Variants in PHLDB2 observed in about 807,000 individuals in gnomAD.
The protein encoded by PHLDB2 is pleckstrin homology like domain family B member 2.
PHLDB2 carries 71 observed loss-of-function variants against 123.6 expected under a neutral mutation model. That is an observed-to-expected ratio of 0.57 (90% CI 0.47 to 0.70). The LOEUF (loss-of-function observed/expected upper bound fraction) is 0.70. Ranked by LOEUF, PHLDB2 falls within the 30% of genes least tolerant of loss-of-function variation. The pLI is 0.00. For missense variants in PHLDB2, 1,446 were observed against 1,519.5 expected, an observed-to-expected ratio of 0.95 and a Z score of 0.80; for synonymous variants, 547 against 541.6, an observed-to-expected ratio of 1.01 and a Z score of -0.14.
intron 14 of PHLDB2, among the ~76,000 whole-genome samples, chr3:111,967,450 C>T (rs1321294549): frequency 6.6e-6 from 1 of 152,124 alleles, no homozygotes; most frequent in Admixed American, 6.5e-5. Context: ...TCACTGAAGA[C>T]CACAATTTAA....
chr3:111,909,530 G>A (rs555784482), intron 2 of PHLDB2, among the ~76,000 whole-genome samples: 3 of 152,244 alleles, frequency 2.0e-5, no homozygotes, highest in South Asian at 2.1e-4. Context: ...CCAGGAGATC[G>A]AGGCTTGCAG....
chr3:111,830,488 C>T (rs1402476832), intron 1 of PHLDB2, among the ~76,000 whole-genome samples: 1 of 137,222 alleles, frequency 7.3e-6, no homozygotes, highest in Non-Finnish European at 1.5e-5. Context: ...TTCTGAAATA[C>T]CATGAATAAG....
chr3:111,891,925 G>A (rs1010168284), intron 2 of PHLDB2, among the ~76,000 whole-genome samples: 16 of 152,130 alleles, frequency 1.1e-4, no homozygotes, highest in South Asian at 4.1e-4. Flanking sequence ...ATTTGGTTAC[G>A]TTGCCAAAAG....
At chr3:111,948,849 T>C in intron 9 of PHLDB2, 83 bp from the exon 10 acceptor site, 1 of 1,378,010 alleles carries the variant, frequency 7.3e-7, no homozygotes, top group Non-Finnish European at 1.0e-6. Flanking sequence ...CTAAGCTAAC[T>C]TCATTGTACT....
intron 1 of PHLDB2, among the ~76,000 whole-genome samples, chr3:111,769,939 T>C (rs913266450): frequency 1.3e-5 from 2 of 152,242 alleles, no homozygotes; most frequent in African/African-American, 2.4e-5. Context: ...TCAGACAACA[T>C]AGATAAATTA....
At chr3:111,944,061 A>G (rs993194410) in intron 8 of PHLDB2, among the ~76,000 whole-genome samples, 22 of 152,256 alleles carry the variant, frequency 1.4e-4, no homozygotes, top group African/African-American at 5.3e-4. Context: ...AATAAAAAAC[A>G]GTGAACTACT....
chr3:111,802,099 G>A (rs1455737135), intron 1 of PHLDB2, among the ~76,000 whole-genome samples: 3 of 152,182 alleles, frequency 2.0e-5, no homozygotes, highest in Non-Finnish European at 2.9e-5. Context: ...AAATTGATTT[G>A]TGTTACTTGT....
At chr3:111,922,861 A>G (rs994939425) in intron 5 of PHLDB2, among the ~76,000 whole-genome samples, 1 of 152,086 alleles carries the variant, frequency 6.6e-6, no homozygotes, top group Admixed American at 6.5e-5. Flanking sequence ...TCTTCTCACA[A>G]TGAAGGCGGG....
chr3:111,764,912 C>A (rs2060054254), intron 1 of PHLDB2, among the ~76,000 whole-genome samples: 1 of 152,152 alleles, frequency 6.6e-6, no homozygotes, highest in Admixed American at 6.5e-5. Flanking sequence ...TTTATACTTG[C>A]TGAGTGAGAA....
At position 111,969,927 on chromosome 3, in the gene PHLDB2, T is replaced by C; in HGVS notation, c.3535+18T>C. On this transcript the variant is annotated intron_variant, in intron 16 of 17. Coordinates refer to ENST00000431670, the MANE Select transcript of PHLDB2 (RefSeq NM_001134438.2). ...TTATGCAGGTGGGTGATAAAAACAA[T>C]TTAAGCCATATACTCAAATCAAGAA... 1 of 1,609,264 alleles carries C rather than the reference T, an allele frequency of 6.2e-7. No individual in the cohort carries two copies. Among genetic ancestry groups the C allele is most frequent in the Non-Finnish European group, 8.5e-7 (1 of 1,175,764 alleles).
At chr3:111,931,180 G>A (rs1268571701) in intron 5 of PHLDB2, among the ~76,000 whole-genome samples, 1 of 152,200 alleles carries the variant, frequency 6.6e-6, no homozygotes, top group Non-Finnish European at 1.5e-5. Flanking sequence ...GGAAGGGAAG[G>A]TGGTGGTCAT....
At chr3:111,785,625 G>A (rs1428801201) in intron 1 of PHLDB2, among the ~76,000 whole-genome samples, 4 of 152,016 alleles carry the variant, frequency 2.6e-5, no homozygotes, top group Non-Finnish European at 5.9e-5. Flanking sequence ...AATACCTAGT[G>A]TTTTTAACTA....
intron 1 of PHLDB2, among the ~76,000 whole-genome samples, chr3:111,831,122 A>G (rs181740699): frequency 2.6e-4 from 39 of 152,184 alleles, no homozygotes. Flanking sequence ...AAAAATCCCT[A>G]CCTATACTTA....
intron 1 of PHLDB2, among the ~76,000 whole-genome samples, chr3:111,822,341 A>G (rs1309096557): frequency 1.3e-5 from 2 of 150,474 alleles, no homozygotes; most frequent in African/African-American, 4.9e-5. Context: ...ATAATGGTAC[A>G]CTGAAAACAA....
intron 9 of PHLDB2, among the ~76,000 whole-genome samples, chr3:111,947,318 G>A (rs1013136035): frequency 1.3e-5 from 2 of 152,002 alleles, no homozygotes; most frequent in African/African-American, 2.4e-5. Flanking sequence ...CTATTGTTGT[G>A]TATCTGCAAC....
At chr3:111,835,677 G>A (rs2063362767) in intron 1 of PHLDB2, among the ~76,000 whole-genome samples, 1 of 152,142 alleles carries the variant, frequency 6.6e-6, no homozygotes, top group Non-Finnish European at 1.5e-5. Context: ...CATCAGCTGG[G>A]GACACGAAAA....
intron 8 of PHLDB2, among the ~76,000 whole-genome samples, chr3:111,942,199 T>C (rs1577145402): frequency 6.6e-6 from 1 of 152,230 alleles, no homozygotes; most frequent in African/African-American, 2.4e-5. Context: ...TATTAAAATA[T>C]ATAAGATACA....
chr3:111,837,935 C>T (rs551648905), intron 1 of PHLDB2, among the ~76,000 whole-genome samples: 48 of 152,076 alleles, frequency 3.2e-4, no homozygotes, highest in African/African-American at 1.1e-3. Flanking sequence ...CTCAGCTACT[C>T]GGGAACTGCA....
At position 111,949,033 on chromosome 3, in the gene PHLDB2, G is replaced by A. The variant is rs768900628; in HGVS notation, c.2589G>A (p.Glu863=). The change falls in exon 10 of 18, where the codon GAG becomes GAA. Residue 863 remains glutamate, a synonymous_variant. Coordinates refer to ENST00000431670, the MANE Select transcript of PHLDB2 (RefSeq NM_001134438.2). ...FPADADAVAT[E]PATAVLASQP... ...CTGATGCTGATGCTGTTGCCACTGA[G>A]CCTGCCACAGCTGTGCTGGCGAGCC... is the stretch of plus-strand genomic sequence containing the variant. 5 of 1,613,588 alleles carry A rather than the reference G, an allele frequency of 3.1e-6. No homozygotes were observed. The East Asian group carries it at 8.9e-5, about 29-fold the overall frequency.
Sources: allele counts gnomAD v4.1 joint callset (sites outside exome capture counted in the v4.1 genomes callset), GRCh38; gene constraint gnomAD v4.1.1; transcripts MANE v1.5; gene names NCBI Gene and HGNC (gene_info 2026-07-23, HGNC 2026-07-21).